Variants in MYH6 observed in about 807,000 individuals in gnomAD.
The protein encoded by MYH6 is myosin heavy chain 6, also known as myosin-6.
Under a neutral mutation model 223.2 loss-of-function variants are expected in MYH6, and 126 were observed. That is an observed-to-expected ratio of 0.56 (90% CI 0.49 to 0.65). The LOEUF (loss-of-function observed/expected upper bound fraction) is 0.65. MYH6 is among the 30% of genes least tolerant of loss of function. The pLI is 0.00. For synonymous variants in MYH6, 978 were observed against 1,010.2 expected, an observed-to-expected ratio of 0.97 and a Z score of 0.61; for missense variants, 2,040 against 2,536.4, an observed-to-expected ratio of 0.80 and a Z score of 4.20.
At chr14:23,382,402 T>C in intron 38 of MYH6, 26 bp downstream of exon 38, 1 of 1,613,806 alleles carries the variant, frequency 6.2e-7, no homozygotes, top group Non-Finnish European at 8.5e-7. Flanking sequence ...TGGAAGTGAC[T>C]AGTGAAGCCC....
chr14:23,382,117 T>G, intron 38 of MYH6, 54 bp from the exon 39 acceptor site: 1 of 1,519,474 alleles, frequency 6.6e-7, no homozygotes, highest in Non-Finnish European at 9.1e-7. Flanking sequence ...GAGAAGTGTG[T>G]GGGGACAAAT....
intron 3 of MYH6, among the ~76,000 whole-genome samples, chr14:23,406,496 CCGCAGCTGG>C (rs1891792939): frequency 2.0e-5 from 3 of 152,182 alleles, no homozygotes; most frequent in Non-Finnish European, 4.4e-5. Flanking sequence ...CAGCCCTGAG[CCGCAGCTGG>C]TAACCAGGGG....
chr14:23,389,480 C>T lies in MYH6; in HGVS notation c.3891G>A (p.Glu1297=). Residue 1297 remains glutamate, a synonymous_variant, in exon 28 of 39, where the codon GAG becomes GAA. Coordinates refer to ENST00000405093, the MANE Select transcript of MYH6 (RefSeq NM_002471.4). The part of the protein sequence containing the change: ...GELARQLEEK[E]ALISQLTRGK... The stretch of plus-strand genomic sequence containing the variant: ...CCCGGGTCAGCTGCGAGATTAGCGC[C>T]TCCTTTTCCTCTAGCTGCCGGGCCA... The T allele has an allele frequency of 1.2e-6, 2 of 1,614,208 alleles. No homozygotes were observed. Among genetic ancestry groups the T allele is most frequent in the Non-Finnish European group, 1.7e-6 (2 of 1,180,038 alleles).
At chr14:23,382,957 C>G (rs1056580748) in intron 37 of MYH6, among the ~76,000 whole-genome samples, 2 of 152,226 alleles carry the variant, frequency 1.3e-5, no homozygotes, top group Non-Finnish European at 2.9e-5. Context: ...ACCTTCCTGC[C>G]TTCAGCTTCG....
intron 16 of MYH6, 105 bp from the exon 17 acceptor site, chr14:23,397,362 G>T: frequency 7.6e-7 from 1 of 1,318,486 alleles, no homozygotes; most frequent in Non-Finnish European, 1.1e-6. Context: ...AAAGGGACAG[G>T]GGCTGCCACA....
At chr14:23,382,841 C>A (rs766423150) in intron 37 of MYH6, among the ~76,000 whole-genome samples, 1 of 152,188 alleles carries the variant, frequency 6.6e-6, no homozygotes, top group Non-Finnish European at 1.5e-5. Context: ...GTCCCGGACC[C>A]CAGCTTCCTG....
intron 1 of MYH6, 37 bp downstream of exon 1, chr14:23,408,216 C>T (rs763587774): frequency 1.6e-5 from 16 of 984,796 alleles, no homozygotes; most frequent in East Asian, 1.1e-4. Flanking sequence ...GCTCTGTGGA[C>T]GGGCTGCAGG....
At chr14:23,396,161 GGTAAA>G in intron 20 of MYH6, 118 bp downstream of exon 20, 1 of 1,227,884 alleles carries the variant, frequency 8.1e-7, no homozygotes, top group Non-Finnish European at 1.2e-6. Flanking sequence ...GATTCGAAGT[GGTAAA>G]GTAACTTGCC....
At chr14:23,383,743 C>T (rs574176866) in intron 36 of MYH6, among the ~76,000 whole-genome samples, 10 of 152,328 alleles carry the variant, frequency 6.6e-5, no homozygotes, top group Non-Finnish European at 1.5e-4. Context: ...GATTATTCTA[C>T]ATTCTAATAT....
rs757760863 is a variant in MYH6 at position 23,404,323 on chromosome 14, A to C, written c.708T>G (p.Thr236=). The C allele has an allele frequency of 1.9e-6, 3 of 1,614,128 alleles. No individual in the cohort carries two copies. The highest frequency in any genetic ancestry group is 2.5e-6 in the Non-Finnish European group (3 of 1,180,036). Residue 236 remains threonine, a synonymous_variant, in exon 8 of 39, where the codon ACT becomes ACG. Coordinates refer to ENST00000405093, the MANE Select transcript of MYH6 (RefSeq NM_002471.4). The part of the protein sequence containing the change: ...PALEAFGNAK[T]VRNDNSSRFG... ...AGCGGGAGGAGTTGTCGTTCCGGACAGTCTTGGCATTGCCGAAGGCCTCCA... is the reference window on the plus strand; with the variant it reads ...AGCGGGAGGAGTTGTCGTTCCGGACCGTCTTGGCATTGCCGAAGGCCTCCA...
rs752383289 is a variant in MYH6, at chr14:23,396,679, G to A, written c.2292+15C>T. 28 of 1,613,822 alleles carry A rather than the reference G, an allele frequency of 1.7e-5. No individual in the cohort carries two copies. The highest frequency in any genetic ancestry group is 2.3e-5 in the Non-Finnish European group (27 of 1,179,872). On this transcript the variant is annotated intron_variant, in intron 19 of 38. Transcript: ENST00000405093. The stretch of plus-strand genomic sequence containing the variant: ...CCACCTGCCCTGCAACCACCCAGTG[G>A]GGCTCTAGACTCACCTTGGTGTGGC...
rs2138591782 is a variant in MYH6, at chr14:23,389,691, A to G, written c.3761T>C (p.Leu1254Pro). The change falls in exon 27 of 39, where the codon CTG becomes CCG. Residue 1254 changes from leucine (L) to proline (P), a missense_variant. By Grantham distance (98) the Leu-to-Pro change is moderately conservative (BLOSUM62 -3). Transcript: ENST00000405093. ...GCGGTACTCATTGGCCTGGTCCTCCAGCGTCCGAGACACTTTCTCCAGGTT... is the reference window on the plus strand; with the variant it reads ...GCGGTACTCATTGGCCTGGTCCTCCGGCGTCCGAGACACTTTCTCCAGGTT... Reference protein sequence around the residue: ...KANLEKVSRTLEDQANEYRVK... With the variant: ...KANLEKVSRTPEDQANEYRVK... 6.2e-7 allele frequency: 1 copy of G among 1,614,196 alleles called. No individual in the cohort carries two copies. Among genetic ancestry groups the G allele is most frequent in the Non-Finnish European group, 8.5e-7 (1 of 1,180,040 alleles).
In MYH6 at chr14:23,397,608, T is replaced by C. The variant is rs1057190824; in HGVS notation, c.1897A>G (p.Ser633Gly). The change falls in exon 16 of 39, where the codon AGT becomes GGT. Residue 633 changes from serine (S) to glycine (G), a missense_variant. Physicochemically the swap from Ser to Gly is moderately conservative, Grantham distance 56 (BLOSUM62 0). Around this residue, in one of 4 missense-constraint regions of MYH6, gnomAD observed 649 missense variants for 877.3 expected, o/e 0.74. Transcript: ENST00000405093. Reference protein sequence around the residue: ...SSYATADTGDSGKSKGGKKKG... With the variant: ...SSYATADTGDGGKSKGGKKKG... ...TTCTTGCCTCCTTTGCTTTTACCAC[T>C]GTCCCCTAAACAGCGAGAGGAGAAA... 2 of 1,614,118 alleles carry C rather than the reference T, an allele frequency of 1.2e-6. No individual in the cohort carries two copies. Among genetic ancestry groups the C allele is most frequent in the Non-Finnish European group, 1.7e-6 (2 of 1,179,988 alleles).
chr14:23,396,912 G>A (rs761867184), intron 18 of MYH6, 51 bp downstream of exon 18: 4 of 1,612,318 alleles, frequency 2.5e-6, no homozygotes, highest in South Asian at 2.2e-5. Flanking sequence ...TTCCCATCAG[G>A]GCAGCCTGGC....
intron 15 of MYH6, among the ~76,000 whole-genome samples, chr14:23,398,009 CTTCTTCTTCT>C (rs1891479978): frequency 7.9e-6 from 1 of 126,692 alleles, no homozygotes; most frequent in African/African-American, 3.4e-5. Flanking sequence ...TCTTCTTCTT[CTTCTTCTTCT>C]TCTTCCTTCT....
rs115742584 is a variant in MYH6, at chr14:23,389,444, A to G, written c.3927T>C (p.Ser1309=). 423 of 1,614,106 alleles carry G rather than the reference A, an allele frequency of 2.6e-4. No individual in the cohort carries two copies. In the African/African-American group the frequency reaches 4.1e-3, roughly 16 times the overall value. ...TGAGGTCCTCCATTTGCTGGGTATA[A>G]GAGAGCTTCCCCCGGGTCAGCTGCG... ...LISQLTRGKL[S]YTQQMEDLKR... Residue 1309 remains serine, a synonymous_variant, in exon 28 of 39, where the codon TCT becomes TCC. Coordinates refer to ENST00000405093, the MANE Select transcript of MYH6 (RefSeq NM_002471.4).
rs1891644944 is a variant in MYH6, at chr14:23,402,729, T to TGG, written c.968_969dup (p.Ile324ProfsTer31). ...GCCATGAGCTCCTCGGAGTCATCAATGGAGGCCACGGACACCTCTCCCTGA... is the reference window on the plus strand; with the variant it reads ...GCCATGAGCTCCTCGGAGTCATCAATGGGGAGGCCACGGACACCTCTCCCTGA... On this transcript the variant is annotated frameshift_variant, in exon 11 of 39. Transcript: ENST00000405093. LOFTEE classifies it high-confidence loss of function. 2.5e-6 allele frequency: 4 copies of TGG among 1,613,006 alleles called. No homozygotes were observed. Among genetic ancestry groups the TGG allele is most frequent in the Non-Finnish European group, 3.4e-6 (4 of 1,179,864 alleles).
chr14:23,393,463 G>C lies in MYH6; in HGVS notation c.2984C>G (p.Thr995Ser), dbSNP rs753891816. 4.1e-5 allele frequency: 66 copies of C among 1,613,988 alleles called. No homozygotes were observed. The highest frequency in any genetic ancestry group is 5.4e-5 in the Non-Finnish European group (64 of 1,180,030). Residue 995 changes from threonine (T) to serine (S), a missense_variant, in exon 23 of 39, where the codon ACC (threonine) becomes AGC (serine). By Grantham distance (58) the Thr-to-Ser change is moderately conservative (BLOSUM62 1). Transcript: ENST00000405093. ...AGLDEIIAKLTKEKKALQEAH... is the reference protein window; with the variant it reads ...AGLDEIIAKLSKEKKALQEAH... ...CTCTTGTAGAGCTTTCTTCTCCTTG[G>C]TCAGCTTAGCGATGATTTCATCCAG... is the stretch of plus-strand genomic sequence containing the variant.
At position 23,393,054 on chromosome 14, in the gene MYH6, C is replaced by T; in HGVS notation, c.3109G>A (p.Glu1037Lys). Residue 1037 changes from glutamate (E) to lysine (K), a missense_variant, in exon 24 of 39, where the codon GAG becomes AAG. Transcript: ENST00000405093. ...TTCTTCTCTTGCTCTAGGGATCCCT[C>T]CAGCTGTTGGAGGGAAGAAAATAAG... ...VKLEQQVDDL[E>K]GSLEQEKKVR... 1 of 1,614,160 alleles carries T rather than the reference C, an allele frequency of 6.2e-7. No individual in the cohort carries two copies. The highest frequency in any genetic ancestry group is 8.5e-7 in the Non-Finnish European group (1 of 1,180,026).
Sources: allele counts gnomAD v4.1 joint callset (sites outside exome capture counted in the v4.1 genomes callset), GRCh38; gene constraint gnomAD v4.1.1; regional missense constraint gnomAD v4.1.1; transcripts MANE v1.5; gene names NCBI Gene and HGNC (gene_info 2026-07-23, HGNC 2026-07-21).